AGBL1: variants seen among roughly 807,000 people sequenced by gnomAD.
AGBL1 encodes the protein AGBL carboxypeptidase 1, also known as cytosolic carboxypeptidase 4.
Under a neutral mutation model 118.9 loss-of-function variants are expected in AGBL1, and 130 were observed. The observed-to-expected ratio is 1.09, with a 90% CI of 0.95 to 1.26. AGBL1 has a LOEUF of 1.26. Among genes scored for constraint, AGBL1 ranks in the 50% most tolerant of loss-of-function variants. The pLI is 0.00. For missense variants in AGBL1, 1,584 were observed against 1,298.1 expected (o/e 1.22, Z -3.38); for synonymous variants, 555 against 478.9 (o/e 1.16, Z -2.08).
chr15:86,682,328 A>G (rs1485923215), intron 22 of AGBL1, among the ~76,000 whole-genome samples: 3 of 152,214 alleles, frequency 2.0e-5, no homozygotes, highest in African/African-American at 4.8e-5. Flanking sequence ...AACAATAGCA[A>G]AAAACAAACA....
At chr15:86,782,896 A>G (rs2078354368) in intron 22 of AGBL1, among the ~76,000 whole-genome samples, 1 of 152,210 alleles carries the variant, frequency 6.6e-6, no homozygotes, top group East Asian at 1.9e-4. Context: ...CCCCAAAGCT[A>G]ACTACTTTCT....
intron 22 of AGBL1, among the ~76,000 whole-genome samples, chr15:86,815,024 G>GT (rs1055398894): frequency 8.6e-5 from 13 of 150,892 alleles, no homozygotes; most frequent in East Asian, 7.8e-4. Flanking sequence ...TAACTGTTTT[G>GT]TTTTTTTTTA....
At chr15:86,996,503 G>A (rs1035565090) in intron 24 of AGBL1, among the ~76,000 whole-genome samples, 3 of 152,248 alleles carry the variant, frequency 2.0e-5, no homozygotes, top group South Asian at 2.1e-4. Flanking sequence ...TTGTTCTCAT[G>A]AGGTGGGAGG....
At chr15:86,861,376 C>A (rs914186794) in intron 22 of AGBL1, among the ~76,000 whole-genome samples, 1 of 152,188 alleles carries the variant, frequency 6.6e-6, no homozygotes, top group African/African-American at 2.4e-5. Context: ...GTTCTAAGGA[C>A]TGTCTCAAGA....
intron 22 of AGBL1, among the ~76,000 whole-genome samples, chr15:86,874,408 A>ACC (rs1555458751): frequency 1.3e-5 from 2 of 150,822 alleles, no homozygotes; most frequent in Non-Finnish European, 3.0e-5. Flanking sequence ...ACACACACAC[A>ACC]CCCTGGGGCC....
At chr15:86,426,905 A>G (rs989485907) in intron 18 of AGBL1, among the ~76,000 whole-genome samples, 3 of 152,152 alleles carry the variant, frequency 2.0e-5, no homozygotes, top group African/African-American at 7.2e-5. Context: ...AGCTGAGATT[A>G]TGAGTGCACA....
In AGBL1 at chr15:86,358,010, ATACT is replaced by A. The variant is rs1415376133; in HGVS notation, c.2375-39353_2375-39350del. Among the ~76,000 whole-genome samples the A allele has an allele frequency of 2.0e-5, 3 of 152,110 alleles. No homozygotes were observed. The East Asian group carries it at 5.8e-4, about 29-fold the overall frequency. ...CTAATTAATATATCTATCACCTCAC[ATACT>A]TATAATTTTTTTGTGGTGAGAACAA... On this transcript the variant is annotated intron_variant, in intron 17 of 22. Transcript: ENST00000614907.
chr15:86,308,842 A>G (rs986114159), intron 17 of AGBL1, among the ~76,000 whole-genome samples: 1 of 152,290 alleles, frequency 6.6e-6, no homozygotes, highest in Admixed American at 6.5e-5. Flanking sequence ...TATATTTTAA[A>G]ATCAGGTATT....
intron 24 of AGBL1, among the ~76,000 whole-genome samples, chr15:87,008,021 T>A (rs2141775014): frequency 6.6e-6 from 1 of 152,124 alleles, no homozygotes; most frequent in Non-Finnish European, 1.5e-5. Context: ...TTCTGGTGAG[T>A]GAAGGAGGGA....
chr15:86,336,408 T>G (rs1176227660), intron 17 of AGBL1, among the ~76,000 whole-genome samples: 3 of 152,230 alleles, frequency 2.0e-5, no homozygotes, highest in Non-Finnish European at 2.9e-5. Flanking sequence ...ATAAACTTAT[T>G]ATGAAGCATA....
chr15:86,720,431 A>C (rs1236908297), intron 22 of AGBL1, among the ~76,000 whole-genome samples: 1 of 152,214 alleles, frequency 6.6e-6, no homozygotes, highest in African/African-American at 2.4e-5. Flanking sequence ...ACCACTGTAG[A>C]TTGTATTAAA....
At chr15:86,182,522 G>A (rs537352796) in intron 5 of AGBL1, among the ~76,000 whole-genome samples, 92 of 151,992 alleles carry the variant, frequency 6.1e-4, no homozygotes, top group African/African-American at 2.2e-3. Flanking sequence ...GACCCAAATG[G>A]CCCCTAGAAT....
intron 22 of AGBL1, among the ~76,000 whole-genome samples, chr15:86,755,799 C>T (rs1016260561): frequency 3.0e-4 from 46 of 152,090 alleles, no homozygotes; most frequent in African/African-American, 1.1e-3. Flanking sequence ...ACTATTGTTA[C>T]CTGACTTCTC....
chr15:86,841,883 G>A (rs748844691), intron 22 of AGBL1, among the ~76,000 whole-genome samples: 35 of 152,080 alleles, frequency 2.3e-4, no homozygotes, highest in Admixed American at 2.1e-3. Flanking sequence ...AGACAAATCA[G>A]ATTTAAATAC....
At chr15:86,998,934 A>T (rs973052360) in intron 24 of AGBL1, among the ~76,000 whole-genome samples, 3 of 151,194 alleles carry the variant, frequency 2.0e-5, no homozygotes, top group African/African-American at 7.3e-5. Flanking sequence ...ACATATGTAT[A>T]CATGTGCCAT....
intron 21 of AGBL1, among the ~76,000 whole-genome samples, chr15:86,557,009 C>G (rs757276940): frequency 2.6e-5 from 4 of 152,150 alleles, no homozygotes; most frequent in Non-Finnish European, 5.9e-5. Context: ...AAGCTATTAC[C>G]TTAAAATAAT....
At chr15:86,447,909 C>G (rs923057732) in intron 18 of AGBL1, among the ~76,000 whole-genome samples, 41 of 152,254 alleles carry the variant, frequency 2.7e-4, no homozygotes, top group African/African-American at 8.9e-4. Flanking sequence ...CTTTGAGAAG[C>G]TGAGGTGGGA....
chr15:86,144,916 T>C (rs1383783526), intron 3 of AGBL1, among the ~76,000 whole-genome samples: 1 of 152,176 alleles, frequency 6.6e-6, no homozygotes, highest in African/African-American at 2.4e-5. Context: ...CAGAAGACTG[T>C]TAGGAGGTCA....
chr15:86,704,495 C>A (rs1039567313), intron 22 of AGBL1, among the ~76,000 whole-genome samples: 1 of 152,018 alleles, frequency 6.6e-6, no homozygotes, highest in African/African-American at 2.4e-5. Context: ...ACAGACACTT[C>A]TCAAGACATT....
Sources: allele counts gnomAD v4.1 joint callset (sites outside exome capture counted in the v4.1 genomes callset), GRCh38; gene constraint gnomAD v4.1.1; transcripts MANE v1.5; gene names NCBI Gene and HGNC (gene_info 2026-07-23, HGNC 2026-07-21).